The following KCNMA1 variants were observed in gnomAD, a reference collection of about 807,000 sequenced individuals.
The protein encoded by KCNMA1 is potassium calcium-activated channel subfamily M alpha 1.
KCNMA1 carries 29 observed loss-of-function variants against 140.0 expected under a neutral mutation model. The observed-to-expected ratio is 0.21, with a 90% CI of 0.15 to 0.28. KCNMA1 has a LOEUF of 0.28. Among genes scored for constraint, KCNMA1 ranks in the 10% least tolerant of loss-of-function variants. The probability of loss-of-function intolerance (pLI) is 1.00; values close to 1 mark genes in which losing one functional copy is unlikely to be tolerated. For synonymous variants in KCNMA1, 612 were observed against 611.9 expected (o/e 1.00, Z 0.00); for missense variants, 880 against 1,602.2 (o/e 0.55, Z 7.70).
chr10:77,574,742 T>C (rs563064133), intron 1 of KCNMA1, among the ~76,000 whole-genome samples: 20 of 152,330 alleles, frequency 1.3e-4, no homozygotes, highest in Middle Eastern at 3.4e-3. Flanking sequence ...TCCTAGCTCA[T>C]AGAATGGTCG....
chr10:77,619,362 T>C (rs1000103366), intron 1 of KCNMA1, among the ~76,000 whole-genome samples: 2 of 151,420 alleles, frequency 1.3e-5, no homozygotes, highest in South Asian at 2.1e-4. Context: ...CCCACGCACA[T>C]GCTTCCTCTC....
intron 1 of KCNMA1, among the ~76,000 whole-genome samples, chr10:77,427,878 G>A (rs150682080): frequency 0.14 from 21,126 of 151,636 alleles, 1,843 homozygotes; most frequent in African/African-American, 0.24. Context: ...TCAGCTTCCC[G>A]AGTAGCTGGG....
intron 2 of KCNMA1, among the ~76,000 whole-genome samples, chr10:77,279,947 TTCCCAG>T: frequency 6.6e-6 from 1 of 152,206 alleles, no homozygotes; most frequent in Non-Finnish European, 1.5e-5. Flanking sequence ...CTTTATAAAT[TTCCCAG>T]TCTCAGTTAT....
chr10:77,021,892 G>A (rs967590725), intron 16 of KCNMA1, among the ~76,000 whole-genome samples: 2 of 152,184 alleles, frequency 1.3e-5, no homozygotes, highest in African/African-American at 4.8e-5. Flanking sequence ...AGATGCTCTT[G>A]GCGCTGAAGC....
At chr10:77,421,056 G>A (rs1020237698) in intron 1 of KCNMA1, among the ~76,000 whole-genome samples, 18 of 152,222 alleles carry the variant, frequency 1.2e-4, no homozygotes, top group Non-Finnish European at 7.3e-5. Flanking sequence ...CGTCGAAGAT[G>A]CTCTGGCACA....
chr10:77,041,690 G>A (rs544854134), intron 14 of KCNMA1, among the ~76,000 whole-genome samples: 2 of 152,232 alleles, frequency 1.3e-5, no homozygotes, highest in African/African-American at 4.8e-5. Context: ...AGGCCTCCCT[G>A]AGGGAAGGAG....
chr10:76,999,833 G>A (rs1325870633), intron 19 of KCNMA1, among the ~76,000 whole-genome samples: 3 of 152,290 alleles, frequency 2.0e-5, no homozygotes, highest in Admixed American at 6.5e-5. Flanking sequence ...GAATCAGAGA[G>A]AATGACTCTC....
At chr10:77,072,223 C>A (rs772438477) in intron 14 of KCNMA1, among the ~76,000 whole-genome samples, 15 of 152,200 alleles carry the variant, frequency 9.9e-5, no homozygotes, top group Non-Finnish European at 1.9e-4. Flanking sequence ...GCCTCCCATG[C>A]CATAACAGAA....
In KCNMA1 at chr10:76,977,441, G is replaced by A; in HGVS notation, c.2267-7374C>T. ...TATCAGACCATAGCCACAGTTGTTG[G>A]TTTACCAGCCATCCCTGGCTGCTTC... On this transcript the variant is annotated intron_variant, in intron 19 of 27. Coordinates refer to ENST00000286628, the MANE Select transcript of KCNMA1 (RefSeq NM_001161352.2). 3.0e-6 allele frequency: 2 copies of A among 657,206 alleles called. 1 individual carries two copies. Among genetic ancestry groups the A allele is most frequent in the South Asian group, 3.4e-5 (2 of 58,774 alleles). The allele number at this position is 657,206 out of a possible 1,614,324, so 40.7% of individuals were successfully genotyped here.
chr10:77,282,927 C>T (rs1387971686), intron 2 of KCNMA1, among the ~76,000 whole-genome samples: 1 of 152,212 alleles, frequency 6.6e-6, no homozygotes, highest in African/African-American at 2.4e-5. Flanking sequence ...GTGATTGTAG[C>T]ACCAGGACCC....
In KCNMA1 at chr10:77,108,134, G is replaced by A. The variant is rs1158933320; in HGVS notation, c.1223+347C>T. Among the ~76,000 whole-genome samples, 4 of 152,044 alleles carry A rather than the reference G, an allele frequency of 2.6e-5. No homozygotes were observed. The highest frequency in any genetic ancestry group is 3.9e-4 in the East Asian group (2 of 5,186). ...TTGGTCCAAGCGTGGCAACGTCCTCGGGTCACCTCTGACATCACACCCCAT... is the reference window on the plus strand; with the variant it reads ...TTGGTCCAAGCGTGGCAACGTCCTCAGGTCACCTCTGACATCACACCCCAT... On this transcript the variant is annotated intron_variant, in intron 9 of 27. Transcript: ENST00000286628. This position sits in a 1 kb window ranked among gnomAD's most constrained non-coding sequence, Gnocchi z 4.6.
intron 14 of KCNMA1, among the ~76,000 whole-genome samples, chr10:77,052,918 C>T (rs1106657): frequency 3.3e-5 from 5 of 152,138 alleles, no homozygotes; most frequent in Non-Finnish European, 4.4e-5. Flanking sequence ...GCCGAAAAAC[C>T]GTATCAAAGT....
At chr10:77,033,427 C>T (rs2094090803) in intron 15 of KCNMA1, among the ~76,000 whole-genome samples, 2 of 151,846 alleles carry the variant, frequency 1.3e-5, no homozygotes, top group Admixed American at 6.6e-5. Context: ...CTCTTATTCT[C>T]TCCTTCTCTC....
intron 19 of KCNMA1, among the ~76,000 whole-genome samples, chr10:76,988,576 C>T (rs868386334): frequency 6.6e-6 from 1 of 152,092 alleles, no homozygotes; most frequent in Non-Finnish European, 1.5e-5. Flanking sequence ...TCAAGACCAT[C>T]ATCAAAAAAG....
At chr10:77,299,629 G>A (rs371041361) in intron 2 of KCNMA1, among the ~76,000 whole-genome samples, 3 of 152,250 alleles carry the variant, frequency 2.0e-5, no homozygotes, top group East Asian at 3.9e-4. Flanking sequence ...AAGAGGTTCA[G>A]CTTGCCACCA....
intron 3 of KCNMA1, among the ~76,000 whole-genome samples, chr10:77,186,370 A>C (rs990750770): frequency 2.1e-5 from 3 of 141,508 alleles, no homozygotes; most frequent in Non-Finnish European, 4.8e-5. Flanking sequence ...TCAAAAAAAA[A>C]CAAAAAACAA....
At chr10:77,543,852 A>C (rs2060767670) in intron 1 of KCNMA1, among the ~76,000 whole-genome samples, 1 of 152,170 alleles carries the variant, frequency 6.6e-6, no homozygotes. Context: ...GGTGATTGCT[A>C]ATTTTTTCAT....
chr10:77,046,100 A>G (rs2153607197), intron 14 of KCNMA1, among the ~76,000 whole-genome samples: 1 of 152,354 alleles, frequency 6.6e-6, no homozygotes, highest in Non-Finnish European at 1.5e-5. Context: ...TGCCCAAAAC[A>G]GGTAGTAGAA....
chr10:76,918,947 C>CAT (rs3067711), intron 23 of KCNMA1, among the ~76,000 whole-genome samples: 45 of 146,990 alleles, frequency 3.1e-4, no homozygotes, highest in Non-Finnish European at 5.2e-4. Flanking sequence ...CACACACACA[C>CAT]ATATATATGT....
Sources: gnomAD v4.1 joint callset for allele counts (sites outside exome capture counted in the v4.1 genomes callset) on GRCh38, gnomAD v4.1.1 for gene constraint, Gnocchi (gnomAD v3.1) non-coding constraint, MANE v1.5 for transcripts, NCBI Gene and HGNC (gene_info 2026-07-23, HGNC 2026-07-21) for gene names.